Variants in CNPY1 observed in about 807,000 individuals in gnomAD.
The protein encoded by CNPY1 is protein canopy homolog 1.
A neutral mutation model predicts 14.4 loss-of-function variants in CNPY1; 14 were observed. The ratio of observed to expected loss-of-function variants is 0.97; its 90% confidence interval spans 0.64 to 1.52. The LOEUF is 1.52. Ranked by LOEUF, CNPY1 falls within the 40% of genes most tolerant of loss-of-function variation. CNPY1 has a pLI of 0.00. For synonymous variants in CNPY1, 43 were observed against 46.5 expected (o/e 0.92, Z 0.31); for missense variants, 129 against 131.5 (o/e 0.98, Z 0.09).
intron 2 of CNPY1, among the ~76,000 whole-genome samples, chr7:155,528,490 T>C (rs1796870777): frequency 6.6e-6 from 1 of 152,188 alleles, no homozygotes; most frequent in Non-Finnish European, 1.5e-5. Flanking sequence ...CAAGCTGGGA[T>C]CACTTCTTCA....
At chr7:155,527,054 C>CTTTCTTTCTTTCTTTCTTTCTTTTT (rs56296833) in intron 2 of CNPY1, among the ~76,000 whole-genome samples, 15 of 90,354 alleles carry the variant, frequency 1.7e-4, no homozygotes, top group African/African-American at 6.6e-4. Flanking sequence ...TTCTTTCTTT[C>CTTTCTTTCTTTCTTTCTTTCTTTTT]TTTTTTTTTT....
intron 2 of CNPY1, among the ~76,000 whole-genome samples, chr7:155,516,371 CA>C (rs1423928159): frequency 4.6e-5 from 7 of 152,170 alleles, no homozygotes; most frequent in Non-Finnish European, 7.4e-5. Context: ...TATGCCAAAA[CA>C]ACAGTCTCAG....
intron 1 of CNPY1, 52 bp downstream of exon 1, chr7:155,546,377 G>A (rs1410362774): frequency 5.0e-6 from 2 of 397,464 alleles, no homozygotes; most frequent in African/African-American, 2.1e-5. Context: ...TAAGAGACGG[G>A]GGGTCTCACT....
chr7:155,516,530 G>T (rs759226124), intron 2 of CNPY1, among the ~76,000 whole-genome samples: 1 of 151,612 alleles, frequency 6.6e-6, no homozygotes, highest in East Asian at 1.9e-4. Flanking sequence ...AGGAGGCTGC[G>T]GTATGACCAG....
rs1383173730 is a variant in CNPY1 at position 155,521,079 on chromosome 7, C to CAAGG, written c.100-11986_100-11983dup. ...AGAAGGAAGGAAGGAAGGAAGGAAGCAAGGAAGGAAGGAAGGAAGGAAGGA... is the reference window on the plus strand; with the variant it reads ...AGAAGGAAGGAAGGAAGGAAGGAAGCAAGGAAGGAAGGAAGGAAGGAAGGAAGGA... On this transcript the variant is annotated intron_variant, in intron 2 of 4. Transcript: ENST00000636446. Among the ~76,000 whole-genome samples, 806 of 90,696 alleles carry CAAGG rather than the reference C, an allele frequency of 8.9e-3. 3 individuals are homozygous for CAAGG. The highest frequency in any genetic ancestry group is 0.01 in the Admixed American group (94 of 9,042). The allele number at this position is 90,696 out of a possible 152,430, so 59.5% of individuals were successfully genotyped here. A position where few individuals can be genotyped will look rare whatever the true frequency, so the allele number is the denominator to read the frequency against.
At chr7:155,517,273 G>A (rs1796639033) in intron 2 of CNPY1, among the ~76,000 whole-genome samples, 1 of 151,948 alleles carries the variant, frequency 6.6e-6, no homozygotes, top group Admixed American at 6.6e-5. Context: ...CAGAGGGACG[G>A]CCATGTGAGG....
intron 2 of CNPY1, among the ~76,000 whole-genome samples, chr7:155,523,494 C>A (rs1796763695): frequency 6.6e-6 from 1 of 152,214 alleles, no homozygotes; most frequent in Non-Finnish European, 1.5e-5. Flanking sequence ...GAAGCTCCAG[C>A]CTCTGGGAGC....
In CNPY1 at chr7:155,519,558, TAAATAAGA is replaced by T. The variant is rs1251268689; in HGVS notation, c.100-10469_100-10462del. Among the ~76,000 whole-genome samples the T allele has an allele frequency of 1.6e-3, 223 of 136,866 alleles. 1 individual carries two copies. Among genetic ancestry groups the T allele is most frequent in the African/African-American group, 4.8e-3 (141 of 29,582 alleles). 89.8% of individuals were successfully genotyped at this position (136,866 alleles called of 152,430 possible). On this transcript the variant is annotated intron_variant, in intron 2 of 4. Transcript: ENST00000636446. ...ATAAATAAATAAATAAATAAATAAATAAATAAGAAAGAAAGAAGAAAAATGGGTGCAAA... is the reference window on the plus strand; with the variant it reads ...ATAAATAAATAAATAAATAAATAAATAAGAAAGAAGAAAAATGGGTGCAAA...
intron 2 of CNPY1, among the ~76,000 whole-genome samples, chr7:155,535,705 G>A (rs1430374160): frequency 2.6e-5 from 4 of 152,108 alleles, no homozygotes; most frequent in Admixed American, 6.5e-5. Flanking sequence ...TACCTTCCAC[G>A]GGGCTGCAGA....
At position 155,535,226 on chromosome 7, in the gene CNPY1, G is replaced by A. The variant is rs559174425; in HGVS notation, c.99+10605C>T. Among the ~76,000 whole-genome samples the A allele has an allele frequency of 3.9e-5, 6 of 152,356 alleles. No homozygotes were observed. The East Asian group carries it at 7.7e-4, about 20-fold the overall frequency. ...TGCAAGCACTTGTGGGATGGACCCA[G>A]CATTGGTGCCAGGGCTTCAATCATC... is the stretch of plus-strand genomic sequence containing the variant. On this transcript the variant is annotated intron_variant, in intron 2 of 4. Transcript: ENST00000636446.
chr7:155,534,859 G>T (rs540691433), intron 2 of CNPY1, among the ~76,000 whole-genome samples: 2 of 152,350 alleles, frequency 1.3e-5, no homozygotes, highest in East Asian at 3.9e-4. Flanking sequence ...AGGCTGGGGA[G>T]TCAGAGCTCA....
At chr7:155,521,573 TTA>T (rs1796725709) in intron 2 of CNPY1, among the ~76,000 whole-genome samples, 1 of 152,214 alleles carries the variant, frequency 6.6e-6, no homozygotes, top group African/African-American at 2.4e-5. Flanking sequence ...AGCCTCCCTC[TTA>T]TACAGAGTCC....
intron 2 of CNPY1, among the ~76,000 whole-genome samples, chr7:155,522,957 G>A (rs189930436): frequency 7.2e-5 from 11 of 152,342 alleles, no homozygotes; most frequent in Admixed American, 3.9e-4. Flanking sequence ...GGAGCTGCAC[G>A]GTGCCCACTG....
intron 2 of CNPY1, among the ~76,000 whole-genome samples, chr7:155,518,848 G>C (rs1191539046): frequency 6.6e-6 from 1 of 152,158 alleles, no homozygotes; most frequent in Non-Finnish European, 1.5e-5. Flanking sequence ...GTGGTGGAAG[G>C]CTACCTTGCG....
At chr7:155,542,788 G>A (rs371660801) in intron 2 of CNPY1, among the ~76,000 whole-genome samples, 38 of 152,340 alleles carry the variant, frequency 2.5e-4, no homozygotes, top group African/African-American at 8.4e-4. Flanking sequence ...CCCTTTCACT[G>A]GCTGCTCTCT....
At chr7:155,538,263 G>C (rs1344661646) in intron 2 of CNPY1, among the ~76,000 whole-genome samples, 2 of 152,206 alleles carry the variant, frequency 1.3e-5, no homozygotes, top group African/African-American at 4.8e-5. Context: ...ACTCCTGGTT[G>C]CTAAGTGTGG....
rs182062236 is a variant in CNPY1, at chr7:155,533,269, C to T, written c.99+12562G>A. Among the ~76,000 whole-genome samples, 398 of 152,288 alleles carry T rather than the reference C, an allele frequency of 2.6e-3. 3 individuals are homozygous for T. The highest frequency in any genetic ancestry group is 2.3e-3 in the Non-Finnish European group (158 of 68,020). On this transcript the variant is annotated intron_variant, in intron 2 of 4. Coordinates refer to ENST00000636446, the MANE Select transcript of CNPY1 (RefSeq NM_001393663.1). ...AGGAAAGAGCCAGGCACCTCTCGTT[C>T]GGGGTCTGACATTGTCACCTGGCAG...
rs116523217 is a variant in CNPY1, at chr7:155,509,041, C to T, written c.156G>A (p.Glu52=). The T allele has an allele frequency of 4.3e-4, 698 of 1,609,524 alleles. 4 individuals are homozygous for T. The African/African-American group carries it at 8.3e-3, about 19-fold the overall frequency. The part of the protein sequence containing the change: ...FLTDLLEKVC[E]RMNDYKLEED... ...CCTCAAGCTTGTAGTCGTTCATTCG[C>T]TCACAGACTTTCTCCAAAAGATCCG... The change falls in exon 3 of 5, where the codon GAG becomes GAA. Residue 52 remains glutamate, a synonymous_variant. Transcript: ENST00000636446.
At position 155,509,341 on chromosome 7, in the gene CNPY1, G is replaced by GA. The variant is rs1231057704; in HGVS notation, c.100-245dup. Among the ~76,000 whole-genome samples the GA allele has an allele frequency of 7.2e-5, 11 of 151,966 alleles. No individual in the cohort carries two copies. In the East Asian group the frequency reaches 7.7e-4, roughly 11 times the overall value. ...AAGTGCATATATTTCAAAGTGGCCA[G>GA]AAAAAAAATACATTCAAACTAGAAA... is the stretch of plus-strand genomic sequence containing the variant. On this transcript the variant is annotated intron_variant, in intron 2 of 4. Transcript: ENST00000636446.
Sources: allele counts gnomAD v4.1 joint callset (sites outside exome capture counted in the v4.1 genomes callset), GRCh38; gene constraint gnomAD v4.1.1; transcripts MANE v1.5; gene names NCBI Gene and HGNC (gene_info 2026-07-23, HGNC 2026-07-21).